The following RNF180 variants were observed in gnomAD, a reference collection of about 807,000 sequenced individuals.
The protein encoded by RNF180 is ring finger protein 180, also known as E3 ubiquitin-protein ligase RNF180.
In RNF180, 38 loss-of-function variants were observed where a neutral mutation model predicts 59.2. The ratio of observed to expected loss-of-function variants is 0.64; its 90% CI spans 0.50 to 0.84. The LOEUF (loss-of-function observed/expected upper bound fraction) is 0.84. RNF180 is among the 40% of genes least tolerant of loss of function. The pLI, the probability that RNF180 is intolerant of heterozygous loss-of-function variation, is 0.00. For synonymous variants in RNF180, 262 were observed against 240.3 expected, an observed-to-expected ratio of 1.09 and a Z score of -0.84; for missense variants, 705 against 700.9, an observed-to-expected ratio of 1.01 and a Z score of -0.07.
rs751491329 is a variant in RNF180, at chr5:64,372,242, T to TTTAA, written c.*2431_*2434dup. 2 of 151,844 alleles carry TTTAA rather than the reference T, an allele frequency of 1.3e-5. No individual in the cohort carries two copies. Among genetic ancestry groups the TTTAA allele is most frequent in the Non-Finnish European group, 2.9e-5 (2 of 67,850 alleles). The allele number at this position is 151,844 out of a possible 1,614,324, so 9.4% of individuals were successfully genotyped here. Reference sequence around the variant, plus strand: ...TCTGAATAGTTTCAGCAGGTTATTTTTTAATTTTAAAAAAGCAAATTCACA... The same window carrying TTTAA: ...TCTGAATAGTTTCAGCAGGTTATTTTTTAATTAATTTTAAAAAAGCAAATTCACA... On this transcript the variant is annotated 3_prime_UTR_variant, in exon 8 of 8. Transcript: ENST00000389100.
chr5:64,293,117 G>A (rs971166506), intron 5 of RNF180, among the ~76,000 whole-genome samples: 5 of 152,198 alleles, frequency 3.3e-5, no homozygotes, highest in Non-Finnish European at 1.5e-5. Context: ...AACTTGTGAG[G>A]GGAGCTCCTG....
chr5:64,301,019 G>A (rs560785900), intron 5 of RNF180, among the ~76,000 whole-genome samples: 1 of 151,716 alleles, frequency 6.6e-6, no homozygotes, highest in African/African-American at 2.4e-5. Context: ...GATATTTCCA[G>A]AAAGCTAAAT....
At chr5:64,260,475 A>C (rs960211207) in intron 5 of RNF180, among the ~76,000 whole-genome samples, 9 of 152,182 alleles carry the variant, frequency 5.9e-5, no homozygotes, top group Admixed American at 5.9e-4. Flanking sequence ...AAAGTCTTGG[A>C]TTTCATGACA....
At chr5:64,315,483 G>A (rs977007104) in intron 5 of RNF180, among the ~76,000 whole-genome samples, 1 of 152,068 alleles carries the variant, frequency 6.6e-6, no homozygotes, top group African/African-American at 2.4e-5. Flanking sequence ...GGTGGCTCAC[G>A]CCTGTAATCT....
At chr5:64,281,241 C>A (rs1190647891) in intron 5 of RNF180, among the ~76,000 whole-genome samples, 1 of 152,148 alleles carries the variant, frequency 6.6e-6, no homozygotes, top group Non-Finnish European at 1.5e-5. Context: ...AAAATCATAT[C>A]ATCCATGAAG....
intron 5 of RNF180, among the ~76,000 whole-genome samples, chr5:64,278,563 G>A (rs1167071347): frequency 6.6e-6 from 1 of 152,160 alleles, no homozygotes; most frequent in Non-Finnish European, 1.5e-5. Context: ...CAAGTAAAAT[G>A]TACGTGAACT....
At position 64,259,877 on chromosome 5, in the gene RNF180, C is replaced by T. The variant is rs188405547; in HGVS notation, c.1227+42481C>T. 3.4e-3 allele frequency among the ~76,000 whole-genome samples: 524 copies of T among 152,114 alleles called. 2 individuals carry two copies. The highest frequency in any genetic ancestry group is 0.011 in the African/African-American group (476 of 41,514). On this transcript the variant is annotated intron_variant, in intron 5 of 7. Coordinates refer to ENST00000389100, the MANE Select transcript of RNF180 (RefSeq NM_001113561.2). ...CGGAGGTTGTGGTGAGCCAAGATCA[C>T]GCCATTGAACTCCACCCTGGGCAAC...
intron 5 of RNF180, among the ~76,000 whole-genome samples, chr5:64,320,054 C>T (rs1474201180): frequency 1.3e-5 from 2 of 152,212 alleles, no homozygotes; most frequent in Non-Finnish European, 2.9e-5. Flanking sequence ...AATGCAAATT[C>T]TCAGGCCCCA....
At chr5:64,213,161 A>C (rs1204854586) in intron 3 of RNF180, among the ~76,000 whole-genome samples, 1 of 152,194 alleles carries the variant, frequency 6.6e-6, no homozygotes, top group Non-Finnish European at 1.5e-5. Context: ...GGTATGCAAG[A>C]AGTGTATCAA....
chr5:64,167,013 A>G (rs1749680170), intron 1 of RNF180, among the ~76,000 whole-genome samples: 1 of 152,208 alleles, frequency 6.6e-6, no homozygotes, highest in Non-Finnish European at 1.5e-5. Flanking sequence ...GAAAGATCAT[A>G]AACACTTCAG....
intron 2 of RNF180, among the ~76,000 whole-genome samples, chr5:64,210,131 G>A (rs72752804): frequency 0.1 from 15,347 of 152,138 alleles, 878 homozygotes; most frequent in South Asian, 0.17. Flanking sequence ...TAAGTTTAGC[G>A]TGTATGAAGA....
chr5:64,172,559 A>G (rs1028277757), intron 1 of RNF180, among the ~76,000 whole-genome samples: 3 of 152,214 alleles, frequency 2.0e-5, no homozygotes, highest in Admixed American at 6.5e-5. Flanking sequence ...GTTTTTTAGG[A>G]GACTTGGATA....
intron 5 of RNF180, among the ~76,000 whole-genome samples, chr5:64,262,122 T>C (rs1339983187): frequency 6.6e-6 from 1 of 152,100 alleles, no homozygotes; most frequent in African/African-American, 2.4e-5. Flanking sequence ...GAGGGAGGAT[T>C]CCCCCTGTGA....
chr5:64,308,954 C>T (rs1743613357), intron 5 of RNF180, among the ~76,000 whole-genome samples: 1 of 151,708 alleles, frequency 6.6e-6, no homozygotes, highest in Non-Finnish European at 1.5e-5. Flanking sequence ...GTAACTCTCT[C>T]TTATCCATTG....
intron 1 of RNF180, among the ~76,000 whole-genome samples, chr5:64,178,177 C>G (rs958807914): frequency 8.1e-5 from 12 of 148,310 alleles, no homozygotes; most frequent in Non-Finnish European, 1.5e-4. Flanking sequence ...GCACTCCAGC[C>G]TGGTGACGGA....
At chr5:64,302,047 T>G (rs1031183641) in intron 5 of RNF180, among the ~76,000 whole-genome samples, 2 of 151,610 alleles carry the variant, frequency 1.3e-5, no homozygotes, top group Middle Eastern at 3.2e-3. Flanking sequence ...AGGTATATAG[T>G]CATAAGTCCC....
chr5:64,277,023 T>C (rs1365231459), intron 5 of RNF180, among the ~76,000 whole-genome samples: 2 of 152,032 alleles, frequency 1.3e-5, no homozygotes, highest in Non-Finnish European at 2.9e-5. Flanking sequence ...ATGTTCGCTG[T>C]AGCATCCCTA....
chr5:64,227,507 T>TCACC (rs1460233760), intron 5 of RNF180, among the ~76,000 whole-genome samples: 1 of 152,198 alleles, frequency 6.6e-6, no homozygotes, highest in Non-Finnish European at 1.5e-5. Flanking sequence ...TGGCCTTTGG[T>TCACC]CACCCCACAT....
chr5:64,259,955 A>G (rs951259558), intron 5 of RNF180, among the ~76,000 whole-genome samples: 1 of 151,994 alleles, frequency 6.6e-6, no homozygotes, highest in African/African-American at 2.4e-5. Flanking sequence ...AAAAATTCAA[A>G]CCCTATGAAA....
Sources: allele counts gnomAD v4.1 joint callset (sites outside exome capture counted in the v4.1 genomes callset), GRCh38; gene constraint gnomAD v4.1.1; transcripts MANE v1.5; gene names NCBI Gene and HGNC (gene_info 2026-07-23, HGNC 2026-07-21).